STXBP3: variants seen among roughly 807,000 people sequenced by gnomAD.
The protein encoded by STXBP3 is syntaxin binding protein 3.
Under a neutral mutation model 85.7 loss-of-function variants are expected in STXBP3, and 41 were observed. The ratio of observed to expected loss-of-function variants is 0.48; its 90% CI spans 0.37 to 0.62. STXBP3 has a LOEUF of 0.62. Ranked by LOEUF, STXBP3 falls within the 20% of genes least tolerant of loss-of-function variation. The pLI, the probability that STXBP3 is intolerant of heterozygous loss-of-function variation, is 0.00. For synonymous variants in STXBP3, 229 were observed against 231.7 expected, an observed-to-expected ratio of 0.99 and a Z score of 0.10; for missense variants, 563 against 703.1, an observed-to-expected ratio of 0.80 and a Z score of 2.25.
chr1:108,758,628 G>C (rs1277042), intron 5 of STXBP3, 40 bp downstream of exon 5: 895,498 of 1,214,120 alleles, frequency 0.74, 339,239 homozygotes, highest in Non-Finnish European at 0.78. Flanking sequence ...TGTTCAAAAT[G>C]CCATTGGTTT....
chr1:108,753,194 T>G (rs750641401), intron 3 of STXBP3, 50 bp downstream of exon 3: 1 of 1,330,524 alleles, frequency 7.5e-7, no homozygotes, highest in South Asian at 1.6e-5. Context: ...TTGGGGGAGA[T>G]CTGAGGTATT....
chr1:108,748,433 G>T (rs1412708631), intron 1 of STXBP3, among the ~76,000 whole-genome samples: 1 of 152,152 alleles, frequency 6.6e-6, no homozygotes, highest in Admixed American at 6.5e-5. Context: ...GAGGCAGGAG[G>T]ATCCCTTCAG....
intron 11 of STXBP3, among the ~76,000 whole-genome samples, chr1:108,789,991 CAAAA>C (rs35345273): frequency 8.2e-6 from 1 of 121,246 alleles, no homozygotes; most frequent in African/African-American, 3.0e-5. Flanking sequence ...GACTCTGTCT[CAAAA>C]AAAAAAAAAA....
rs192497434 is a variant in STXBP3 at position 108,777,092 on chromosome 1, G to T, written c.684+669G>T. ...AGAGAATGAAGAGCTTGAGGAGACT[G>T]ACAGAGGTGGTGCCAGAGGCCTAGG... is the stretch of plus-strand genomic sequence containing the variant. On this transcript the variant is annotated intron_variant, in intron 8 of 18. Coordinates refer to ENST00000370008, the MANE Select transcript of STXBP3 (RefSeq NM_007269.4). 3.7e-4 allele frequency among the ~76,000 whole-genome samples: 56 copies of T among 152,264 alleles called. 1 individual carries two copies. The East Asian group carries it at 0.01, about 27-fold the overall frequency.
At position 108,758,587 on chromosome 1, in the gene STXBP3, CTG is replaced by C; in HGVS notation, c.337+1_337+2del. The C allele has an allele frequency of 6.8e-7, 1 of 1,472,996 alleles. No individual in the cohort carries two copies. Among genetic ancestry groups the C allele is most frequent in the Non-Finnish European group, 9.1e-7 (1 of 1,097,454 alleles). The allele number at this position is 1,472,996 out of a possible 1,614,324, so 91.2% of individuals were successfully genotyped here. ...AAGCAGCATATATTTACTTCACTGA[CTG>C]TAAGTCTTTTAAAAAGTTATTGCTT... On this transcript the variant is annotated splice_donor_variant and coding_sequence_variant, in exon 5 of 19. Transcript: ENST00000370008. LOFTEE classifies it high-confidence loss of function.
intron 6 of STXBP3, chr1:108,766,810 A>C: frequency 3.6e-6 from 1 of 277,684 alleles, no homozygotes; most frequent in Non-Finnish European, 7.2e-6. Flanking sequence ...ATTGACTCTT[A>C]ACATTCATAA....
intron 5 of STXBP3, 50 bp from the exon 6 acceptor site, chr1:108,759,935 A>G (rs748675907): frequency 1.7e-5 from 19 of 1,127,232 alleles, no homozygotes; most frequent in Middle Eastern, 3.9e-4. Flanking sequence ...TTTATTTAAA[A>G]GGAATAAAAT....
Position 108,782,490 on chromosome 1 carries a change from G to T in STXBP3, c.878G>T (p.Arg293Leu). 1 of 1,613,470 alleles carries T rather than the reference G, an allele frequency of 6.2e-7. No homozygotes were observed. The highest frequency in any genetic ancestry group is 1.1e-5 in the South Asian group (1 of 90,848). The change falls in exon 10 of 19, where the codon CGA becomes CTA. Residue 293 changes from arginine (R) to leucine (L), a missense_variant. Arg to Leu is a moderately radical substitution (Grantham distance 102). Coordinates refer to ENST00000370008, the MANE Select transcript of STXBP3 (RefSeq NM_007269.4). ...EEEDDLWVRI[R>L]HRHIAVVLEE... ...GAAGATGACCTCTGGGTTAGAATTC[G>T]ACATCGACATATTGCGGTTGTGTTA...
intron 6 of STXBP3, chr1:108,767,073 T>C: frequency 2.8e-6 from 1 of 359,680 alleles, no homozygotes; most frequent in Non-Finnish European, 5.5e-6. Flanking sequence ...GCAGCATTAA[T>C]AAAATATGGA....
intron 15 of STXBP3, 83 bp from the exon 16 acceptor site, chr1:108,798,062 T>TA: frequency 1.7e-6 from 2 of 1,159,654 alleles, no homozygotes; most frequent in South Asian, 1.5e-5. Context: ...ACTGGTAAAT[T>TA]AAATATCTTC....
At chr1:108,801,359 G>A (rs1193564149) in intron 17 of STXBP3, among the ~76,000 whole-genome samples, 1 of 152,042 alleles carries the variant, frequency 6.6e-6, no homozygotes, top group Non-Finnish European at 1.5e-5. Flanking sequence ...GGACCTTTTA[G>A]ATAATGTATT....
intron 6 of STXBP3, among the ~76,000 whole-genome samples, chr1:108,770,317 C>G (rs994928151): frequency 6.6e-6 from 1 of 152,018 alleles, no homozygotes. Flanking sequence ...CAAAAACAAA[C>G]CTACACATGA....
In STXBP3 at chr1:108,796,142, C is replaced by T. The variant is rs965189722; in HGVS notation, c.1111-92C>T. 29 of 1,375,878 alleles carry T rather than the reference C, an allele frequency of 2.1e-5. No homozygotes were observed. The Admixed American group carries it at 2.9e-4, about 14-fold the overall frequency. 85.2% of individuals were successfully genotyped at this position (1,375,878 alleles called of 1,614,324 possible). On this transcript the variant is annotated intron_variant, in intron 13 of 18. Coordinates refer to ENST00000370008, the MANE Select transcript of STXBP3 (RefSeq NM_007269.4). ...CCTCCCAAAGTGCTGGGATTACAGG[C>T]GTGAGCCACTGTACCCAGCCAATAA...
intron 17 of STXBP3, among the ~76,000 whole-genome samples, chr1:108,803,943 G>A (rs1414298129): frequency 6.6e-6 from 1 of 152,118 alleles, no homozygotes; most frequent in Admixed American, 6.5e-5. Context: ...AGGTGGAGGG[G>A]GTTGTGTTTT....
chr1:108,761,260 A>C (rs1662136103), intron 6 of STXBP3, among the ~76,000 whole-genome samples: 1 of 152,168 alleles, frequency 6.6e-6, no homozygotes, highest in Non-Finnish European at 1.5e-5. Flanking sequence ...AGATTTTAAC[A>C]TATCTGCTTA....
chr1:108,791,387 CTT>C (rs1662971450), intron 11 of STXBP3, among the ~76,000 whole-genome samples: 1 of 152,056 alleles, frequency 6.6e-6, no homozygotes, highest in African/African-American at 2.4e-5. Flanking sequence ...GGGTTGATAA[CTT>C]TCATTATGTT....
intron 7 of STXBP3, 86 bp from the exon 8 acceptor site, chr1:108,776,247 A>G: frequency 3.6e-6 from 3 of 831,094 alleles, no homozygotes; most frequent in Non-Finnish European, 5.1e-6. Flanking sequence ...TTTAAATTTC[A>G]GTTTAATTTT....
rs1055184461 is a variant in STXBP3, at chr1:108,795,958, C to T, written c.1111-276C>T. 3.3e-5 allele frequency among the ~76,000 whole-genome samples: 5 copies of T among 152,064 alleles called. No homozygotes were observed. The South Asian group carries it at 8.3e-4, about 25-fold the overall frequency. ...ATGGCTCACTGCAACCTCTGCCCAC[C>T]GGGTTCAAGTGAGTCTCCTGCCTCA... On this transcript the variant is annotated intron_variant, in intron 13 of 18. Transcript: ENST00000370008.
chr1:108,793,777 A>G (rs568287930), intron 12 of STXBP3, 130 bp downstream of exon 12: 41 of 655,438 alleles, frequency 6.3e-5, no homozygotes, highest in African/African-American at 5.8e-4. Context: ...AAACCTTACT[A>G]TAGGTCTGAG....
Sources: allele counts gnomAD v4.1 joint callset (sites outside exome capture counted in the v4.1 genomes callset), GRCh38; gene constraint gnomAD v4.1.1; transcripts MANE v1.5; gene names NCBI Gene and HGNC (gene_info 2026-07-23, HGNC 2026-07-21).